GSPT1: variants seen among roughly 807,000 people sequenced by gnomAD.
GSPT1 encodes the protein eukaryotic peptide chain release factor GTP-binding subunit ERF3A.
GSPT1 carries 20 observed loss-of-function variants against 72.5 expected under a neutral mutation model. The ratio of observed to expected loss-of-function variants is 0.28; its 90% CI spans 0.19 to 0.40. The LOEUF is 0.40. Ranked by LOEUF, GSPT1 falls within the 10% of genes least tolerant of loss-of-function variation. GSPT1 has a pLI of 1.00. For synonymous variants in GSPT1, 334 were observed against 293.5 expected (o/e 1.14, Z -1.41); for missense variants, 580 against 811.9 (o/e 0.71, Z 3.47).
At chr16:11,913,270 A>G (rs1295216578) in intron 1 of GSPT1, among the ~76,000 whole-genome samples, 1 of 152,220 alleles carries the variant, frequency 6.6e-6, no homozygotes, top group African/African-American at 2.4e-5. Flanking sequence ...TTCTTTTCCA[A>G]ATAGACATCC....
Position 11,915,827 on chromosome 16 carries a change from A to G in GSPT1, c.-107T>C. On this transcript the variant is annotated 5_prime_UTR_variant, in exon 1 of 15. Coordinates refer to ENST00000434724, the MANE Select transcript of GSPT1 (RefSeq NM_002094.4). The stretch of plus-strand genomic sequence containing the variant: ...TGACTGAGGGAAGGCGGCGGGGCAG[A>G]AGGGCCGGGAGCTAGCGACAAAGAT... 6.6e-7 allele frequency: 1 copy of G among 1,522,976 alleles called. No homozygotes were observed. Among genetic ancestry groups the G allele is most frequent in the Non-Finnish European group, 8.9e-7 (1 of 1,117,652 alleles). 94.3% of individuals were successfully genotyped at this position (1,522,976 alleles called of 1,614,324 possible). A position where few individuals can be genotyped will look rare whatever the true frequency, so the allele number is the denominator to read the frequency against.
intron 6 of GSPT1, among the ~76,000 whole-genome samples, chr16:11,888,676 C>T (rs929763431): frequency 2.6e-5 from 4 of 151,788 alleles, no homozygotes; most frequent in Admixed American, 6.6e-5. Flanking sequence ...GCAGGAGAAT[C>T]GCTTGAACCC....
In GSPT1 at chr16:11,897,987, T is replaced by C; in HGVS notation, c.394+7A>G. The C allele has an allele frequency of 1.3e-6, 2 of 1,543,896 alleles. No homozygotes were observed. Among genetic ancestry groups the C allele is most frequent in the East Asian group, 2.4e-5 (1 of 41,642 alleles). On this transcript the variant is annotated splice_region_variant and intron_variant, in intron 2 of 14. Coordinates refer to ENST00000434724, the MANE Select transcript of GSPT1 (RefSeq NM_002094.4). Reference sequence around the variant, plus strand: ...CTCAAGTAGACTTTCAAAGAGTACATCATTACCTTCACACAATGACTGTTC... The same window carrying C: ...CTCAAGTAGACTTTCAAAGAGTACACCATTACCTTCACACAATGACTGTTC...
chr16:11,913,157 A>G lies in GSPT1; in HGVS notation c.352+2212T>C, dbSNP rs867511216. On this transcript the variant is annotated intron_variant, in intron 1 of 14. Transcript: ENST00000434724. The stretch of plus-strand genomic sequence containing the variant: ...CCTATTTATCCCCCTGCTTTTTATA[A>G]GCACTGATTGTTCTCCGATGCTGGC... 2.6e-5 allele frequency among the ~76,000 whole-genome samples: 4 copies of G among 152,324 alleles called. No homozygotes were observed. The South Asian group carries it at 8.3e-4, about 32-fold the overall frequency.
chr16:11,897,510 G>C (rs2054355001), intron 3 of GSPT1, among the ~76,000 whole-genome samples: 1 of 152,142 alleles, frequency 6.6e-6, no homozygotes, highest in Admixed American at 6.6e-5. Context: ...GCTTGAACCT[G>C]GGAGGCGGAG....
intron 5 of GSPT1, among the ~76,000 whole-genome samples, chr16:11,893,158 G>C (rs1042097879): frequency 1.3e-5 from 2 of 152,028 alleles, no homozygotes; most frequent in African/African-American, 4.8e-5. Context: ...TACTTGGGAG[G>C]CTGAGGTAGG....
intron 1 of GSPT1, among the ~76,000 whole-genome samples, chr16:11,911,512 A>C (rs1304429323): frequency 1.3e-5 from 2 of 150,696 alleles, no homozygotes; most frequent in Non-Finnish European, 2.9e-5. Flanking sequence ...CAACCTCCCA[A>C]GTAGCTGGGA....
At chr16:11,883,127 G>A in intron 10 of GSPT1, 32 bp from the exon 11 acceptor site, 1 of 1,375,520 alleles carries the variant, frequency 7.3e-7, no homozygotes, top group Non-Finnish European at 1.0e-6. Context: ...TCCAGTTTCA[G>A]ACTTCTTGGT....
chr16:11,896,485 T>C, intron 4 of GSPT1, 73 bp downstream of exon 4: 1 of 839,062 alleles, frequency 1.2e-6, no homozygotes, highest in Non-Finnish European at 1.9e-6. Context: ...TCACTAAACA[T>C]CTCCAGGTAG....
Position 11,915,577 on chromosome 16 carries a change from G to A in GSPT1, c.144C>T (p.Gly48=), listed in dbSNP as rs1032072184. The A allele has an allele frequency of 2.7e-6, 4 of 1,481,720 alleles. No individual in the cohort carries two copies. Among genetic ancestry groups the A allele is most frequent in the Non-Finnish European group, 3.6e-6 (4 of 1,116,492 alleles). The allele number at this position is 1,481,720 out of a possible 1,614,324, so 91.8% of individuals were successfully genotyped here. A position where few individuals can be genotyped will look rare whatever the true frequency, so the allele number is the denominator to read the frequency against. The change falls in exon 1 of 15, where the codon GGC becomes GGT. Residue 48 remains glycine (G), a synonymous_variant. Transcript: ENST00000434724. ...GGGCCTCGGCCGCCGCCGCCAGGGA[G>A]CCGCCGCCGCCGCAAGGGCCCGGCC... The part of the protein sequence containing the change: ...APGPGPCGGG[G]SLAAAAEAQR...
At chr16:11,896,397 A>C (rs944409992) in intron 4 of GSPT1, among the ~76,000 whole-genome samples, 161 bp downstream of exon 4, 3 of 152,258 alleles carry the variant, frequency 2.0e-5, no homozygotes, top group Admixed American at 6.5e-5. Context: ...TCAGGAAAAA[A>C]GTACTTGCAA....
chr16:11,903,458 T>C (rs1192743340), intron 1 of GSPT1, among the ~76,000 whole-genome samples: 1 of 152,148 alleles, frequency 6.6e-6, no homozygotes, highest in Non-Finnish European at 1.5e-5. Flanking sequence ...GAGGTTGCAG[T>C]GAGCCGAGAT....
chr16:11,884,598 A>T (rs1189837987), intron 10 of GSPT1, among the ~76,000 whole-genome samples: 1 of 152,106 alleles, frequency 6.6e-6, no homozygotes, highest in Non-Finnish European at 1.5e-5. Flanking sequence ...GGTCTCTACT[A>T]AAAATACAAA....
chr16:11,889,313 C>G (rs1026903669), intron 6 of GSPT1, among the ~76,000 whole-genome samples: 1 of 150,494 alleles, frequency 6.6e-6, no homozygotes, highest in Non-Finnish European at 1.5e-5. Flanking sequence ...TGCCCGGCAC[C>G]CCCACCCCTC....
rs746653127 is a variant in GSPT1 at position 11,915,443 on chromosome 16, G to T, written c.278C>A (p.Pro93Gln). ...AEFVPSFLRG[P>Q]AAPPPPVGGA... ...GCCAACTGGGGGTGGCGGCGCTGCCGGGCCCCGCAGGAAGGACGGCACGAA... is the reference window on the plus strand; with the variant it reads ...GCCAACTGGGGGTGGCGGCGCTGCCTGGCCCCGCAGGAAGGACGGCACGAA... The change falls in exon 1 of 15, where the codon CCG becomes CAG. Residue 93 changes from proline (P) to glutamine (Q), a missense_variant. Physicochemically the swap from Pro to Gln is moderately conservative, Grantham distance 76 (BLOSUM62 -1). Coordinates refer to ENST00000434724, the MANE Select transcript of GSPT1 (RefSeq NM_002094.4). 15 of 1,535,216 alleles carry T rather than the reference G, an allele frequency of 9.8e-6. No individual in the cohort carries two copies. Among genetic ancestry groups the T allele is most frequent in the Non-Finnish European group, 1.3e-5 (15 of 1,143,736 alleles).
At position 11,872,855 on chromosome 16, in the gene GSPT1, T is replaced by C. The variant is rs951923341; in HGVS notation, c.*264A>G. On this transcript the variant is annotated 3_prime_UTR_variant, in exon 15 of 15. Transcript: ENST00000434724. ...TGTAGGCAATTATGTCCACATCACT[T>C]ACAAAGCTATTGCCAAATCTGTCCA... The C allele has an allele frequency of 2.2e-5, 8 of 371,340 alleles. No homozygotes were observed. Among genetic ancestry groups the C allele is most frequent in the African/African-American group, 1.6e-4 (8 of 48,708 alleles). 23.0% of individuals were successfully genotyped at this position (371,340 alleles called of 1,614,324 possible).
At chr16:11,910,081 A>G (rs2054539221) in intron 1 of GSPT1, among the ~76,000 whole-genome samples, 1 of 152,188 alleles carries the variant, frequency 6.6e-6, no homozygotes. Context: ...TGGGTGACAA[A>G]GTAAGATCCC....
rs2053996864 is a variant in GSPT1 at position 11,873,132 on chromosome 16, G to A, written c.1901C>T (p.Pro634Leu). The A allele has an allele frequency of 6.3e-7, 1 of 1,597,440 alleles. No homozygotes were observed. The highest frequency in any genetic ancestry group is 1.1e-5 in the South Asian group (1 of 90,618). ...TCAAGAAAATGCTTAGTCTTTCTCT[G>A]GAACCAGTTTCAGAACTTTTCCAAT... is the stretch of plus-strand genomic sequence containing the variant. ...IAIGKVLKLV[P>L]EKD The change falls in exon 15 of 15, where the codon CCA becomes CTA. Residue 634 changes from proline (P) to leucine (L), a missense_variant. Around this residue, in one of 6 missense-constraint regions of GSPT1, gnomAD observed 120 missense variants for 242.5 expected, o/e 0.49. Transcript: ENST00000434724.
chr16:11,894,878 CTG>C, intron 5 of GSPT1, 74 bp downstream of exon 5: 1 of 871,750 alleles, frequency 1.1e-6, no homozygotes, highest in Non-Finnish European at 1.9e-6. Context: ...CTTTGTGTGA[CTG>C]TATGAAGGTT....
Sources: gnomAD v4.1 joint callset for allele counts (sites outside exome capture counted in the v4.1 genomes callset) on GRCh38, gnomAD v4.1.1 for gene constraint, gnomAD v4.1.1 regional missense constraint, MANE v1.5 for transcripts, NCBI Gene and HGNC (gene_info 2026-07-23, HGNC 2026-07-21) for gene names.